The following PHLDB2 variants were observed in gnomAD, a reference collection of about 807,000 sequenced individuals.
The protein encoded by PHLDB2 is pleckstrin homology like domain family B member 2.
Under a neutral mutation model 123.6 loss-of-function variants are expected in PHLDB2, and 71 were observed. The ratio of observed to expected loss-of-function variants is 0.57; its 90% CI spans 0.47 to 0.70. The LOEUF is 0.70. Among genes scored for constraint, PHLDB2 ranks in the 30% least tolerant of loss-of-function variants. The pLI, the probability that PHLDB2 is intolerant of heterozygous loss-of-function variation, is 0.00. For synonymous variants in PHLDB2, 547 were observed against 541.6 expected, an observed-to-expected ratio of 1.01 and a Z score of -0.14; for missense variants, 1,446 against 1,519.5, an observed-to-expected ratio of 0.95 and a Z score of 0.80.
At chr3:111,753,346 T>C (rs1340727098) in intron 1 of PHLDB2, among the ~76,000 whole-genome samples, 1 of 150,710 alleles carries the variant, frequency 6.6e-6, no homozygotes, top group Non-Finnish European at 1.5e-5. Context: ...CCATTCTAAC[T>C]GGTGTGAGAT....
rs1241025997 is a variant in PHLDB2 at position 111,884,652 on chromosome 3, C to T, written c.575C>T (p.Pro192Leu). ...TCCCTGAGTGATGCTGGCCCGCCTC[C>T]TATCAGCAGATCGGGAGCCGCAAGC... is the stretch of plus-strand genomic sequence containing the variant. Reference protein sequence around the residue: ...GSSLSDAGPPPISRSGAASMP... With the variant: ...GSSLSDAGPPLISRSGAASMP... Residue 192 changes from proline to leucine, a missense_variant, in exon 2 of 18, where the codon CCT (proline) becomes CTT (leucine). By Grantham distance (98) the Pro-to-Leu change is moderately conservative. Transcript: ENST00000431670. The T allele has an allele frequency of 1.2e-6, 2 of 1,614,150 alleles. No individual in the cohort carries two copies. The highest frequency in any genetic ancestry group is 1.1e-5 in the South Asian group (1 of 91,082).
chr3:111,895,419 T>A (rs2066778704), intron 2 of PHLDB2, among the ~76,000 whole-genome samples: 1 of 152,216 alleles, frequency 6.6e-6, no homozygotes, highest in Non-Finnish European at 1.5e-5. Context: ...ATAGAAGAAG[T>A]CTCATTCTTT....
At chr3:111,736,732 A>G (rs1247555421) in intron 1 of PHLDB2, among the ~76,000 whole-genome samples, 4 of 152,200 alleles carry the variant, frequency 2.6e-5, no homozygotes, top group African/African-American at 9.6e-5. Flanking sequence ...GAATTCTGTC[A>G]GGTCAGTGTG....
At chr3:111,903,402 T>C (rs1178775880) in intron 2 of PHLDB2, among the ~76,000 whole-genome samples, 3 of 152,078 alleles carry the variant, frequency 2.0e-5, no homozygotes, top group Non-Finnish European at 4.4e-5. Flanking sequence ...CTCCCCAGGT[T>C]ACTATGGCAA....
intron 1 of PHLDB2, among the ~76,000 whole-genome samples, chr3:111,866,930 G>GGT (rs3082321): frequency 0.1 from 12,615 of 125,856 alleles, 650 homozygotes; most frequent in African/African-American, 0.16. Context: ...GTTTCTAAGG[G>GGT]GTGTGTGTGT....
At chr3:111,966,882 C>T (rs1423931109) in intron 14 of PHLDB2, among the ~76,000 whole-genome samples, 179 bp downstream of exon 14, 1 of 151,906 alleles carries the variant, frequency 6.6e-6, no homozygotes, top group Non-Finnish European at 1.5e-5. Context: ...CTAAGGCTCT[C>T]TACTGCAGTG....
At chr3:111,779,728 G>C (rs2060335639) in intron 1 of PHLDB2, 1 of 452,770 alleles carries the variant, frequency 2.2e-6, no homozygotes. Context: ...CTTGTGAATG[G>C]CGTTAAGATG....
At chr3:111,906,855 C>T (rs1453559632) in intron 2 of PHLDB2, among the ~76,000 whole-genome samples, 1 of 152,158 alleles carries the variant, frequency 6.6e-6, no homozygotes, top group Non-Finnish European at 1.5e-5. Context: ...TCCAGCTCAG[C>T]CCTACTGATG....
chr3:111,788,250 A>C (rs1223500371), intron 1 of PHLDB2, among the ~76,000 whole-genome samples: 2 of 152,212 alleles, frequency 1.3e-5, no homozygotes, highest in Non-Finnish European at 2.9e-5. Context: ...AGTAATTTGG[A>C]TAGATGTCAT....
intron 1 of PHLDB2, among the ~76,000 whole-genome samples, chr3:111,810,403 A>G (rs945818746): frequency 2.0e-5 from 3 of 152,146 alleles, no homozygotes; most frequent in Non-Finnish European, 4.4e-5. Flanking sequence ...TGGAAGCTGG[A>G]AAGTTCAAGC....
intron 1 of PHLDB2, among the ~76,000 whole-genome samples, chr3:111,798,879 C>T (rs2061270877): frequency 6.6e-6 from 1 of 151,904 alleles, no homozygotes; most frequent in African/African-American, 2.4e-5. Flanking sequence ...CTGTATGAGT[C>T]CACTCTCATG....
At chr3:111,951,079 T>A (rs903111561) in intron 10 of PHLDB2, among the ~76,000 whole-genome samples, 1 of 152,218 alleles carries the variant, frequency 6.6e-6, no homozygotes, top group South Asian at 2.1e-4. Context: ...TGGAAAGTTA[T>A]GAATTTCAGA....
At position 111,934,140 on chromosome 3, in the gene PHLDB2, G is replaced by A. The variant is rs554967615; in HGVS notation, c.2130+1743G>A. 8.5e-5 allele frequency among the ~76,000 whole-genome samples: 13 copies of A among 152,294 alleles called. No homozygotes were observed. The South Asian group carries it at 2.5e-3, about 29-fold the overall frequency. ...ACTTCTTCCCTTTCCTCTCCAGAGT[G>A]TAAAATTCTTATAAAACCTCTTTCC... On this transcript the variant is annotated intron_variant, in intron 6 of 17. Transcript: ENST00000431670.
intron 2 of PHLDB2, among the ~76,000 whole-genome samples, chr3:111,897,411 G>A (rs146902478): frequency 8.3e-4 from 126 of 152,320 alleles, no homozygotes; most frequent in African/African-American, 2.9e-3. Context: ...TACTTAGTGG[G>A]AGAAATAGGG....
At chr3:111,763,924 A>G (rs2060036332) in intron 1 of PHLDB2, among the ~76,000 whole-genome samples, 1 of 152,210 alleles carries the variant, frequency 6.6e-6, no homozygotes. Context: ...TACCCAGTCT[A>G]TGATAAATTG....
intron 3 of PHLDB2, chr3:111,917,775 A>G (rs1249474008): frequency 1.3e-5 from 2 of 152,238 alleles, no homozygotes; most frequent in Admixed American, 1.3e-4. Flanking sequence ...AAATATGAAT[A>G]AAGCATACAG....
intron 1 of PHLDB2, among the ~76,000 whole-genome samples, chr3:111,785,178 T>C (rs1475679113): frequency 6.6e-6 from 1 of 152,150 alleles, no homozygotes; most frequent in African/African-American, 2.4e-5. Flanking sequence ...ATCTAGCTTG[T>C]TTGAACATTT....
chr3:111,857,066 G>A (rs72938237), upstream of PHLDB2, among the ~76,000 whole-genome samples: 3,499 of 152,150 alleles, frequency 0.023, 133 homozygotes, highest in African/African-American at 0.08. Context: ...TAGGCAGAGA[G>A]GGCAATTAGA....
intron 2 of PHLDB2, among the ~76,000 whole-genome samples, chr3:111,890,001 T>A (rs1166885530): frequency 6.6e-6 from 1 of 152,148 alleles, no homozygotes; most frequent in East Asian, 1.9e-4. Flanking sequence ...AATCTCACTT[T>A]TCCAGATCTC....
Sources: gnomAD v4.1 joint callset for allele counts (sites outside exome capture counted in the v4.1 genomes callset) on GRCh38, gnomAD v4.1.1 for gene constraint, MANE v1.5 for transcripts, NCBI Gene and HGNC (gene_info 2026-07-23, HGNC 2026-07-21) for gene names.